Variants in HIF1A observed in about 807,000 individuals in gnomAD.
HIF1A encodes the protein hypoxia-inducible factor 1-alpha.
In HIF1A, 24 loss-of-function variants were observed where a neutral mutation model predicts 92.7. That is an observed-to-expected ratio of 0.26 (90% CI 0.19 to 0.36). HIF1A has a LOEUF of 0.36. Among genes scored for constraint, HIF1A ranks in the 10% least tolerant of loss-of-function variants. HIF1A has a pLI of 1.00. For missense variants in HIF1A, 799 were observed against 998.5 expected, an observed-to-expected ratio of 0.80 and a Z score of 2.69; for synonymous variants, 319 against 338.7, an observed-to-expected ratio of 0.94 and a Z score of 0.64.
intron 10 of HIF1A, among the ~76,000 whole-genome samples, chr14:61,738,746 T>C (rs2044669866): frequency 3.3e-5 from 5 of 152,160 alleles, no homozygotes; most frequent in Non-Finnish European, 7.4e-5. Flanking sequence ...TAGTTTGTTT[T>C]ATTGTGTTTT....
chr14:61,720,658 G>T, intron 2 of HIF1A, 86 bp downstream of exon 2: 2 of 874,450 alleles, frequency 2.3e-6, no homozygotes, highest in Admixed American at 2.9e-5. Flanking sequence ...TGGTCGCAAT[G>T]TTTTGATTTT....
chr14:61,739,256 T>C (rs1174011425), intron 10 of HIF1A, among the ~76,000 whole-genome samples: 1 of 152,228 alleles, frequency 6.6e-6, no homozygotes, highest in Non-Finnish European at 1.5e-5. Flanking sequence ...TCTGTCTTGA[T>C]ATTAATTGTC....
chr14:61,722,073 G>A (rs77830262), intron 4 of HIF1A, among the ~76,000 whole-genome samples: 19,339 of 146,976 alleles, frequency 0.13, 2,409 homozygotes, highest in African/African-American at 0.34. Context: ...ATGACCAAGA[G>A]AGTTACAAAT....
rs754879947 is a variant in HIF1A at position 61,746,392 on chromosome 14, CT to C, written c.2330-520del. ...TGAAATTTGTGAACTTTTATGACTT[CT>C]TTTTTTTTTTTTTTTTTTTTTGAGA... On this transcript the variant is annotated intron_variant, in intron 14 of 14. Coordinates refer to ENST00000337138, the MANE Select transcript of HIF1A (RefSeq NM_001530.4). Among the ~76,000 whole-genome samples, 49 of 49,458 alleles carry C rather than the reference CT, an allele frequency of 9.9e-4. 4 individuals carry two copies. The highest frequency in any genetic ancestry group is 1.2e-3 in the African/African-American group (24 of 20,114). The allele number at this position is 49,458 out of a possible 152,430, so 32.4% of individuals were successfully genotyped here.
At chr14:61,718,456 A>G (rs2044387688) in intron 1 of HIF1A, among the ~76,000 whole-genome samples, 1 of 152,166 alleles carries the variant, frequency 6.6e-6, no homozygotes. Context: ...GTTAGGGCCA[A>G]TAGGGACCTG....
chr14:61,737,081 A>T lies in HIF1A; in HGVS notation c.1221A>T (p.Thr407=). The T allele has an allele frequency of 6.2e-7, 1 of 1,614,168 alleles. No individual in the cohort carries two copies. Among genetic ancestry groups the T allele is most frequent in the Non-Finnish European group, 8.5e-7 (1 of 1,180,004 alleles). ...LTLLAPAAGD[T]IISLDFGSND... is the part of the protein sequence containing the mutation. ...TGCTGGCCCCAGCCGCTGGAGACAC[A>T]ATCATATCTTTAGATTTTGGCAGCA... Residue 407 remains threonine (T), a synonymous_variant, in exon 9 of 15, where the codon ACA becomes ACT. Coordinates refer to ENST00000337138, the MANE Select transcript of HIF1A (RefSeq NM_001530.4).
intron 12 of HIF1A, 144 bp from the exon 13 acceptor site, chr14:61,744,561 C>CACT: frequency 5.8e-6 from 2 of 342,656 alleles, no homozygotes; most frequent in Non-Finnish European, 1.1e-5. Context: ...AGATGATAAA[C>CACT]TTTAGTGATC....
intron 1 of HIF1A, among the ~76,000 whole-genome samples, chr14:61,708,400 T>C (rs1204067460): frequency 3.3e-5 from 5 of 152,318 alleles, no homozygotes; most frequent in Middle Eastern, 3.4e-3. Context: ...CTGAATGGTA[T>C]TGCCTAGGTT....
rs769824054 is a variant in HIF1A at position 61,721,610 on chromosome 14, A to G, written c.328A>G (p.Ile110Val). 2 of 1,613,326 alleles carry G rather than the reference A, an allele frequency of 1.2e-6. No individual in the cohort carries two copies. Among genetic ancestry groups the G allele is most frequent in the South Asian group, 2.2e-5 (2 of 91,066 alleles). The change falls in exon 3 of 15, where the codon ATT becomes GTT. Residue 110 changes from isoleucine to valine, a missense_variant. Ile to Val is a conservative substitution (Grantham distance 29). Around this residue, in one of 2 missense-constraint regions of HIF1A, gnomAD observed 516 missense variants for 721.0 expected, o/e 0.72. Coordinates refer to ENST00000337138, the MANE Select transcript of HIF1A (RefSeq NM_001530.4). Reference protein sequence around the residue: ...VMVLTDDGDMIYISDNVNKYM... With the variant: ...VMVLTDDGDMVYISDNVNKYM... ...GGTTCTCACAGATGATGGTGACATG[A>G]TTTACATTTCTGATAATGTGAACAA...
In HIF1A at chr14:61,695,554, C is replaced by G. The variant is rs546866518; in HGVS notation, c.-251C>G. 2.4e-5 allele frequency: 14 copies of G among 579,416 alleles called. No homozygotes were observed. Among genetic ancestry groups the G allele is most frequent in the Non-Finnish European group, 4.3e-5 (14 of 327,190 alleles). The allele number at this position is 579,416 out of a possible 1,614,324, so 35.9% of individuals were successfully genotyped here. On this transcript the variant is annotated 5_prime_UTR_variant, in exon 1 of 15. Transcript: ENST00000337138. ...TCGTCTGAGGGGACAGGAGGATCAC[C>G]CTCTTCGTCGCTTCGGCCAGTGTGT...
chr14:61,695,598 G>A lies in HIF1A; in HGVS notation c.-207G>A. 3.3e-6 allele frequency: 2 copies of A among 602,264 alleles called. No homozygotes were observed. Among genetic ancestry groups the A allele is most frequent in the Middle Eastern group, 3.7e-4 (1 of 2,690 alleles). The allele number at this position is 602,264 out of a possible 1,614,324, so 37.3% of individuals were successfully genotyped here. A position where few individuals can be genotyped will look rare whatever the true frequency, so the allele number is the denominator to read the frequency against. ...AGTGTGTCGGGCTGGGCCCTGACAA[G>A]CCACCTGAGGAGAGGCTCGGAGCCG... is the stretch of plus-strand genomic sequence containing the variant. On this transcript the variant is annotated 5_prime_UTR_variant, in exon 1 of 15. Coordinates refer to ENST00000337138, the MANE Select transcript of HIF1A (RefSeq NM_001530.4).
At chr14:61,697,925 A>C in intron 1 of HIF1A, 6 of 1,520,032 alleles carry the variant, frequency 3.9e-6, no homozygotes, top group Non-Finnish European at 5.3e-6. Flanking sequence ...CAAAACCTGA[A>C]GAATTGGAAG....
chr14:61,712,960 A>G, intron 1 of HIF1A, among the ~76,000 whole-genome samples: 1 of 137,866 alleles, frequency 7.3e-6, no homozygotes, highest in African/African-American at 2.6e-5. Flanking sequence ...AGCCAGAGGA[A>G]AAAAAAAAAA....
chr14:61,720,389 T>C lies in HIF1A; in HGVS notation c.43T>C (p.Ser15Pro). ...CTTGTTGTTGTTAAGTAGGATAAGT[T>C]CTGAACGTCGAAAAGAAAAGTCTCG... ...GGANDKKKISSERRKEKSRDA... is the reference protein window; with the variant it reads ...GGANDKKKISPERRKEKSRDA... The change falls in exon 2 of 15, where the codon TCT becomes CCT. Residue 15 changes from serine to proline, a missense_variant. Ser to Pro is a moderately conservative substitution (Grantham distance 74). This residue lies in a region of HIF1A where 516 missense variants were observed against 721.0 expected (regional missense o/e 0.72). Transcript: ENST00000337138. The C allele has an allele frequency of 2.5e-6, 4 of 1,611,148 alleles. No individual in the cohort carries two copies. The highest frequency in any genetic ancestry group is 3.4e-6 in the Non-Finnish European group (4 of 1,178,844).
Position 61,747,071 on chromosome 14 carries a change from G to C in HIF1A, c.2467G>C (p.Asp823His). 6.2e-7 allele frequency: 1 copy of C among 1,609,202 alleles called. No individual in the cohort carries two copies. Among genetic ancestry groups the C allele is most frequent in the African/African-American group, 1.3e-5 (1 of 74,770 alleles). The change falls in exon 15 of 15, where the codon GAT becomes CAT. Residue 823 changes from aspartate (D) to histidine (H), a missense_variant. Physicochemically the swap from Asp to His is moderately conservative, Grantham distance 81. Coordinates refer to ENST00000337138, the MANE Select transcript of HIF1A (RefSeq NM_001530.4). Reference sequence around the variant, plus strand: ...GGGTGAAGAATTACTCAGAGCTTTGGATCAAGTTAACTGAGCTTTTTCTTA... The same window carrying C: ...GGGTGAAGAATTACTCAGAGCTTTGCATCAAGTTAACTGAGCTTTTTCTTA... ...LQGEELLRAL[D>H]QVN
chr14:61,731,215 G>A (rs1028615564), intron 6 of HIF1A, among the ~76,000 whole-genome samples: 6 of 151,878 alleles, frequency 4.0e-5, no homozygotes, highest in Admixed American at 6.6e-5. Context: ...CTTGCACCTC[G>A]GTAGGAAAGT....
chr14:61,727,597 A>T lies in HIF1A; in HGVS notation c.715A>T (p.Ser239Cys). ...ATCAAATATTGAAATTCCTTTAGAT[A>T]GCAAGACTTTCCTCAGTCGACACAG... ...HPSNIEIPLD[S>C]KTFLSRHSLD... Residue 239 changes from serine to cysteine, a missense_variant, in exon 6 of 15, where the codon AGC becomes TGC. Ser to Cys is a moderately radical substitution (Grantham distance 112). Around this residue, in one of 2 missense-constraint regions of HIF1A, gnomAD observed 516 missense variants for 721.0 expected, o/e 0.72. Coordinates refer to ENST00000337138, the MANE Select transcript of HIF1A (RefSeq NM_001530.4). The T allele has an allele frequency of 6.2e-7, 1 of 1,613,876 alleles. No individual in the cohort carries two copies. Among genetic ancestry groups the T allele is most frequent in the Non-Finnish European group, 8.5e-7 (1 of 1,179,766 alleles).
At chr14:61,731,373 C>G (rs1442009738) in intron 6 of HIF1A, among the ~76,000 whole-genome samples, 1 of 152,180 alleles carries the variant, frequency 6.6e-6, no homozygotes, top group Non-Finnish European at 1.5e-5. Flanking sequence ...ATACTGCTTA[C>G]AGAGAATAAG....
At chr14:61,745,525 T>C in intron 13 of HIF1A, 166 bp from the exon 14 acceptor site, 2 of 656,648 alleles carry the variant, frequency 3.0e-6, no homozygotes, top group Non-Finnish European at 5.4e-6. Context: ...ATAGACAGAA[T>C]GGTCATAATG....
Sources: allele counts gnomAD v4.1 joint callset (sites outside exome capture counted in the v4.1 genomes callset), GRCh38; gene constraint gnomAD v4.1.1; regional missense constraint gnomAD v4.1.1; transcripts MANE v1.5; gene names NCBI Gene and HGNC (gene_info 2026-07-23, HGNC 2026-07-21).